EXO1: variants seen among roughly 807,000 people sequenced by gnomAD.
EXO1 encodes exonuclease 1.
Under a neutral mutation model 84.5 loss-of-function variants are expected in EXO1, and 69 were observed. The ratio of observed to expected loss-of-function variants is 0.82; its 90% confidence interval spans 0.67 to 1.00. EXO1 has a LOEUF of 1.00. EXO1 is among the 50% of genes least tolerant of loss of function. EXO1 has a pLI of 0.00. For synonymous variants in EXO1, 373 were observed against 366.1 expected (o/e 1.02, Z -0.21); for missense variants, 1,045 against 1,000.7 (o/e 1.04, Z -0.60).
At chr1:241,886,535 T>C (rs1322228743) in intron 15 of EXO1, among the ~76,000 whole-genome samples, 1 of 152,184 alleles carries the variant, frequency 6.6e-6, no homozygotes, top group Non-Finnish European at 1.5e-5. Flanking sequence ...AATAAGTAAG[T>C]GCTGGACAAT....
chr1:241,878,402 C>T (rs1236654034), intron 12 of EXO1, among the ~76,000 whole-genome samples: 1 of 151,192 alleles, frequency 6.6e-6, no homozygotes, highest in Non-Finnish European at 1.5e-5. Context: ...GAGGCTGAGG[C>T]AGGAGAATTG....
At chr1:241,855,977 A>G (rs1661006534) in intron 6 of EXO1, among the ~76,000 whole-genome samples, 1 of 152,112 alleles carries the variant, frequency 6.6e-6, no homozygotes, top group Admixed American at 6.5e-5. Context: ...ACCTCCCTGT[A>G]AGCTGAGGGA....
At chr1:241,855,135 C>T (rs777056083) in intron 6 of EXO1, among the ~76,000 whole-genome samples, 4 of 152,200 alleles carry the variant, frequency 2.6e-5, no homozygotes, top group Non-Finnish European at 5.9e-5. Flanking sequence ...TGGGTTGCCA[C>T]TGCTGGCTGG....
At chr1:241,874,390 G>A (rs1055034217) in intron 12 of EXO1, among the ~76,000 whole-genome samples, 6 of 152,110 alleles carry the variant, frequency 3.9e-5, no homozygotes, top group African/African-American at 7.2e-5. Context: ...GCAAGACTCC[G>A]CCTCCAGGAA....
chr1:241,876,569 G>C (rs1005416552), intron 12 of EXO1, among the ~76,000 whole-genome samples: 7 of 151,964 alleles, frequency 4.6e-5, no homozygotes, highest in African/African-American at 1.7e-4. Context: ...GTGACAGAGC[G>C]AGACTCCATC....
rs1352244309 is a variant in EXO1 at position 241,889,499 on chromosome 1, C to T, written c.2440C>T (p.Leu814=). The change falls in exon 16 of 16, where the codon CTG becomes TTG. Residue 814 remains leucine, a synonymous_variant. Transcript: ENST00000366548. Reference sequence around the variant, plus strand: ...AAAGCTTCCTCCTTGTAAGAAACCCCTGTCCCCAGTCAGAGATAACATCCA... The same window carrying T: ...AAAGCTTCCTCCTTGTAAGAAACCCTTGTCCCCAGTCAGAGATAACATCCA... ...SEKLPPCKKP[L]SPVRDNIQLT... 1.2e-6 allele frequency: 2 copies of T among 1,613,738 alleles called. No homozygotes were observed. Among genetic ancestry groups the T allele is most frequent in the Admixed American group, 1.7e-5 (1 of 60,016 alleles).
intron 12 of EXO1, among the ~76,000 whole-genome samples, chr1:241,877,234 G>A (rs1000462358): frequency 2.6e-5 from 4 of 152,212 alleles, no homozygotes; most frequent in African/African-American, 9.7e-5. Context: ...GTATGGGCCA[G>A]TTGGGAGGAA....
intron 9 of EXO1, 53 bp downstream of exon 9, chr1:241,860,757 T>G: frequency 6.8e-7 from 1 of 1,460,650 alleles, no homozygotes; most frequent in African/African-American, 1.4e-5. Flanking sequence ...TTCAATATTT[T>G]TATGGTGATT....
At chr1:241,867,097 A>G (rs746018553) in intron 11 of EXO1, 42 bp downstream of exon 11, 4 of 1,398,606 alleles carry the variant, frequency 2.9e-6, no homozygotes, top group Middle Eastern at 1.8e-4. Context: ...AATATTGGTC[A>G]TATTTAAAGA....
At chr1:241,859,657 A>T (rs1661261810) in intron 8 of EXO1, among the ~76,000 whole-genome samples, 1 of 152,104 alleles carries the variant, frequency 6.6e-6, no homozygotes, top group African/African-American at 2.4e-5. Context: ...AATCTGAAAC[A>T]CTTCTGGTGC....
chr1:241,880,322 T>C (rs1662682774), intron 13 of EXO1, among the ~76,000 whole-genome samples: 1 of 152,172 alleles, frequency 6.6e-6, no homozygotes, highest in Non-Finnish European at 1.5e-5. Context: ...CACTGTCAAT[T>C]TGTGAGGATA....
rs774224724 is a variant in EXO1 at position 241,872,164 on chromosome 1, C to T, written c.1400C>T (p.Pro467Leu). 7 of 1,613,860 alleles carry T rather than the reference C, an allele frequency of 4.3e-6. No individual in the cohort carries two copies. The highest frequency in any genetic ancestry group is 5.9e-6 in the Non-Finnish European group (7 of 1,179,946). Residue 467 changes from proline to leucine, a missense_variant, in exon 12 of 16, where the codon CCT (proline) becomes CTT (leucine). Transcript: ENST00000366548. The part of the protein sequence containing the change: ...EVFVPDLVNG[P>L]TNKKSVSTPP... ...TTTGTGCCTGACCTGGTAAATGGAC[C>T]TACTAACAAAAAGAGTGTAAGCACT...
chr1:241,863,059 G>A (rs1661491274), intron 10 of EXO1, among the ~76,000 whole-genome samples: 1 of 152,166 alleles, frequency 6.6e-6, no homozygotes, highest in African/African-American at 2.4e-5. Context: ...AGGTATTCCA[G>A]GCTCTGTGGA....
chr1:241,889,076 G>GAA (rs1354177547), intron 15 of EXO1, among the ~76,000 whole-genome samples: 17 of 151,166 alleles, frequency 1.1e-4, no homozygotes, highest in African/African-American at 3.9e-4. Context: ...TCTCAAAAAA[G>GAA]AAAAAAAATA....
chr1:241,853,503 GC>G (rs1558121895), intron 6 of EXO1, 22 bp downstream of exon 6: 6 of 1,613,482 alleles, frequency 3.7e-6, no homozygotes, highest in Non-Finnish European at 5.1e-6. Flanking sequence ...GGGCAGATGG[GC>G]AAGTTCACCA....
At chr1:241,853,606 C>A in intron 6 of EXO1, 125 bp downstream of exon 6, 1 of 974,166 alleles carries the variant, frequency 1.0e-6, no homozygotes, top group Non-Finnish European at 1.6e-6. Flanking sequence ...GGGCAGATGT[C>A]AGAAGGAGAA....
intron 9 of EXO1, 61 bp downstream of exon 9, chr1:241,860,765 A>AT: frequency 4.1e-5 from 57 of 1,402,770 alleles, no homozygotes; most frequent in South Asian, 1.6e-4. Flanking sequence ...TTTTATGGTG[A>AT]TTTTTTTGTG....
chr1:241,889,317 C>A (rs992834462), intron 15 of EXO1, 148 bp from the exon 16 acceptor site: 6 of 702,032 alleles, frequency 8.5e-6, no homozygotes, highest in Admixed American at 7.0e-5. Flanking sequence ...CACAGGAGAA[C>A]CTGATTGTGT....
At position 241,872,212 on chromosome 1, in the gene EXO1, T is replaced by G. The variant is rs142556885; in HGVS notation, c.1448T>G (p.Phe483Cys). The G allele has an allele frequency of 6.2e-4, 994 of 1,613,988 alleles. 4 individuals are homozygous for G. Among genetic ancestry groups the G allele is most frequent in the Middle Eastern group, 5.4e-3 (33 of 6,062 alleles). ...ACTCCACCTAGGACGAGAAATAAAT[T>G]TGCAACATTTTTACAAAGGAAAAAT... ...VSTPPRTRNK[F>C]ATFLQRKNEE... Residue 483 changes from phenylalanine (F) to cysteine (C), a missense_variant, in exon 12 of 16, where the codon TTT becomes TGT. Transcript: ENST00000366548.
Sources: gnomAD v4.1 joint callset for allele counts (sites outside exome capture counted in the v4.1 genomes callset) on GRCh38, gnomAD v4.1.1 for gene constraint, MANE v1.5 for transcripts, NCBI Gene and HGNC (gene_info 2026-07-23, HGNC 2026-07-21) for gene names.